Variants in ZFYVE1 observed in about 807,000 individuals in gnomAD.
ZFYVE1 encodes zinc finger FYVE domain-containing protein 1.
Under a neutral mutation model 74.4 loss-of-function variants are expected in ZFYVE1, and 30 were observed. The ratio of observed to expected loss-of-function variants is 0.40; its 90% confidence interval spans 0.30 to 0.55. ZFYVE1 has a LOEUF of 0.55. Ranked by LOEUF, ZFYVE1 falls within the 20% of genes least tolerant of loss-of-function variation. The pLI is 0.42. For missense variants in ZFYVE1, 703 were observed against 1,011.6 expected, an observed-to-expected ratio of 0.69 and a Z score of 4.14; for synonymous variants, 335 against 385.1, an observed-to-expected ratio of 0.87 and a Z score of 1.52.
chr14:72,974,834 G>C lies in ZFYVE1; in HGVS notation c.1932C>G (p.Gly644=), dbSNP rs749592790. ...TGTCACAGACCCGCACTGGCGCAGGGCCCCAGCCCCGCTCAGGCACTGGCC... is the reference window on the plus strand; with the variant it reads ...TGTCACAGACCCGCACTGGCGCAGGCCCCCAGCCCCGCTCAGGCACTGGCC... ...KTRPVPERGW[G]PAPVRVCDNC... Residue 644 remains glycine (G), a synonymous_variant, in exon 10 of 12, where the codon GGC becomes GGG. Coordinates refer to ENST00000556143, the MANE Select transcript of ZFYVE1 (RefSeq NM_021260.4). 1 of 1,613,486 alleles carries C rather than the reference G, an allele frequency of 6.2e-7. No homozygotes were observed. The highest frequency in any genetic ancestry group is 8.5e-7 in the Non-Finnish European group (1 of 1,179,630).
intron 3 of ZFYVE1, among the ~76,000 whole-genome samples, chr14:72,995,984 C>G (rs1893733571): frequency 6.6e-6 from 1 of 152,154 alleles, no homozygotes; most frequent in Admixed American, 6.6e-5. Context: ...ATCTAACTCT[C>G]TGCTTAAGAT....
chr14:72,992,119 G>A (rs1002820477), intron 4 of ZFYVE1, among the ~76,000 whole-genome samples: 3 of 151,994 alleles, frequency 2.0e-5, no homozygotes, highest in African/African-American at 7.3e-5. Flanking sequence ...ATGTTGGCCA[G>A]GCTAGTCTCA....
At chr14:73,011,749 T>C (rs1190623637) in intron 2 of ZFYVE1, among the ~76,000 whole-genome samples, 1 of 149,790 alleles carries the variant, frequency 6.7e-6, no homozygotes, top group Non-Finnish European at 1.5e-5. Context: ...CTCAAACTCC[T>C]AACTTCAGGT....
intron 8 of ZFYVE1, among the ~76,000 whole-genome samples, chr14:72,976,745 T>A (rs1275260742): frequency 1.4e-5 from 2 of 146,430 alleles, no homozygotes; most frequent in African/African-American, 5.1e-5. Flanking sequence ...ATCACACCAC[T>A]GCACTCCAGC....
intron 5 of ZFYVE1, 93 bp from the exon 6 acceptor site, chr14:72,979,062 C>G: frequency 9.3e-7 from 1 of 1,071,728 alleles, no homozygotes; most frequent in Non-Finnish European, 1.4e-6. Flanking sequence ...CACAAGGCCA[C>G]GACCAGACCT....
chr14:73,023,922 A>G (rs1273239426), intron 2 of ZFYVE1, 104 bp downstream of exon 2: 1 of 1,481,906 alleles, frequency 6.7e-7, no homozygotes, highest in Non-Finnish European at 9.0e-7. Flanking sequence ...TTGCCTTTTA[A>G]TGATTAAAAT....
In ZFYVE1 at chr14:72,998,317, T is replaced by C; in HGVS notation, c.484-2A>G. ...AATAAAGTCTTCTTCATTTGTTACC[T>C]GCAAAAAAAAAAAAAAAGACCATGA... On this transcript the variant is annotated splice_acceptor_variant, in intron 2 of 11. Coordinates refer to ENST00000556143, the MANE Select transcript of ZFYVE1 (RefSeq NM_021260.4). LOFTEE classifies it high-confidence loss of function. 2.4e-6 allele frequency: 3 copies of C among 1,266,082 alleles called. No homozygotes were observed. The highest frequency in any genetic ancestry group is 3.0e-6 in the Non-Finnish European group (3 of 993,556). The allele number at this position is 1,266,082 out of a possible 1,614,324, so 78.4% of individuals were successfully genotyped here. A position where few individuals can be genotyped will look rare whatever the true frequency, so the allele number is the denominator to read the frequency against.
chr14:72,975,765 T>G lies in ZFYVE1; in HGVS notation c.1636-44A>C, dbSNP rs1893153771. The G allele has an allele frequency of 1.3e-6, 2 of 1,599,688 alleles. No homozygotes were observed. Among genetic ancestry groups the G allele is most frequent in the African/African-American group, 2.7e-5 (2 of 74,480 alleles). ...CTTCCATCATGCTCTGAGAAGGGAGTGAAAGGAAGGAGGAAGAGGGATGTT... is the reference window on the plus strand; with the variant it reads ...CTTCCATCATGCTCTGAGAAGGGAGGGAAAGGAAGGAGGAAGAGGGATGTT... On this transcript the variant is annotated intron_variant, in intron 8 of 11. Transcript: ENST00000556143. This position sits in a 1 kb window ranked among gnomAD's most constrained non-coding sequence, Gnocchi z 4.1.
chr14:73,011,810 C>T (rs1693749737), intron 2 of ZFYVE1, among the ~76,000 whole-genome samples: 1 of 150,110 alleles, frequency 6.7e-6, no homozygotes, highest in Admixed American at 6.6e-5. Flanking sequence ...GCGTGAGCCA[C>T]CATGTCTGGC....
chr14:72,976,727 T>G (rs1298706938), intron 8 of ZFYVE1, among the ~76,000 whole-genome samples: 5 of 138,408 alleles, frequency 3.6e-5, no homozygotes, highest in Non-Finnish European at 6.2e-5. Flanking sequence ...AGGTTGCAGT[T>G]AGCCGAGATC....
In ZFYVE1 at chr14:73,024,179, C is replaced by T. The variant is rs777331138; in HGVS notation, c.330G>A (p.Gly110=). The change falls in exon 2 of 12, where the codon GGG becomes GGA. Residue 110 remains glycine (G), a synonymous_variant. Coordinates refer to ENST00000556143, the MANE Select transcript of ZFYVE1 (RefSeq NM_021260.4). ...CLECQKRTHS[G]GNKRRHPVTV... ...TAACAGGGTGTCTCCTTTTGTTACC[C>T]CCAGAATGAGTCCTCTTCTGGCACT... The T allele has an allele frequency of 1.2e-6, 2 of 1,614,122 alleles. No homozygotes were observed. Among genetic ancestry groups the T allele is most frequent in the East Asian group, 2.2e-5 (1 of 44,890 alleles).
At chr14:72,994,476 C>T (rs897116756) in intron 3 of ZFYVE1, among the ~76,000 whole-genome samples, 4 of 152,006 alleles carry the variant, frequency 2.6e-5, no homozygotes, top group Admixed American at 1.3e-4. Flanking sequence ...GGGCTGGTGT[C>T]CTATGGTCTA....
chr14:73,009,855 C>T (rs918483074), intron 2 of ZFYVE1, among the ~76,000 whole-genome samples: 2 of 152,130 alleles, frequency 1.3e-5, no homozygotes, highest in African/African-American at 2.4e-5. Context: ...TGCCTTTAAT[C>T]CCAGCAGTTC....
chr14:73,002,441 G>A (rs921164513), intron 2 of ZFYVE1, among the ~76,000 whole-genome samples: 21 of 137,810 alleles, frequency 1.5e-4, no homozygotes, highest in African/African-American at 5.2e-4. Context: ...ACAGTTTTTG[G>A]TTTTGGTTTT....
At chr14:72,981,043 C>T (rs1203729685) in intron 5 of ZFYVE1, among the ~76,000 whole-genome samples, 4 of 152,140 alleles carry the variant, frequency 2.6e-5, no homozygotes, top group South Asian at 4.1e-4. Context: ...AGCCATTGCC[C>T]GGGAGCTTGA....
intron 2 of ZFYVE1, among the ~76,000 whole-genome samples, chr14:72,998,857 A>G (rs989850199): frequency 1.8e-4 from 28 of 152,016 alleles, no homozygotes; most frequent in Middle Eastern, 3.2e-3. Flanking sequence ...CCTCAAAAAA[A>G]AAAAAGAAAG....
intron 2 of ZFYVE1, among the ~76,000 whole-genome samples, chr14:73,012,036 C>A (rs1379591763): frequency 1.3e-5 from 2 of 150,304 alleles, no homozygotes; most frequent in African/African-American, 4.9e-5. Flanking sequence ...GGCAACATAG[C>A]AAGACCCCAT....
intron 4 of ZFYVE1, among the ~76,000 whole-genome samples, chr14:72,985,411 C>A (rs1893449563): frequency 6.6e-6 from 1 of 152,160 alleles, no homozygotes; most frequent in South Asian, 2.1e-4. Flanking sequence ...TGGCTCACTG[C>A]AACCTCTGCC....
intron 3 of ZFYVE1, among the ~76,000 whole-genome samples, chr14:72,996,729 C>T (rs1893756922): frequency 6.6e-6 from 1 of 152,190 alleles, no homozygotes; most frequent in Non-Finnish European, 1.5e-5. Flanking sequence ...ACTCCCACAG[C>T]ACCGTACCTG....
Sources: allele counts gnomAD v4.1 joint callset (sites outside exome capture counted in the v4.1 genomes callset), GRCh38; gene constraint gnomAD v4.1.1; non-coding constraint Gnocchi (gnomAD v3.1); transcripts MANE v1.5; gene names NCBI Gene and HGNC (gene_info 2026-07-23, HGNC 2026-07-21).